Variants in ITPKB observed in about 807,000 individuals in gnomAD.
ITPKB encodes IP3 3-kinase B.
ITPKB carries 13 observed loss-of-function variants against 69.4 expected under a neutral mutation model. The ratio of observed to expected loss-of-function variants is 0.19; its 90% CI spans 0.12 to 0.30. The LOEUF (loss-of-function observed/expected upper bound fraction) is 0.30. ITPKB is among the 10% of genes least tolerant of loss of function. ITPKB has a pLI of 1.00. For missense variants in ITPKB, 1,240 were observed against 1,250.5 expected (o/e 0.99, Z 0.13); for synonymous variants, 584 against 513.7 (o/e 1.14, Z -1.85).
chr1:226,722,052 A>ATG (rs578061986), intron 2 of ITPKB, among the ~76,000 whole-genome samples: 44 of 152,082 alleles, frequency 2.9e-4, no homozygotes, highest in African/African-American at 1.0e-3. Context: ...ACCTCAGGTA[A>ATG]TCCACCCACC....
intron 2 of ITPKB, among the ~76,000 whole-genome samples, chr1:226,686,214 T>C (rs1656213759): frequency 6.6e-6 from 1 of 152,074 alleles, no homozygotes; most frequent in Non-Finnish European, 1.5e-5. Context: ...AGGGGGCAAA[T>C]CACAGAAGCA....
At position 226,641,798 on chromosome 1, in the gene ITPKB, G is replaced by T; in HGVS notation, c.2451+123C>A. On this transcript the variant is annotated intron_variant, in intron 5 of 7. Coordinates refer to ENST00000429204, the MANE Select transcript of ITPKB (RefSeq NM_002221.4). This position sits in a 1 kb window ranked among gnomAD's most constrained non-coding sequence, Gnocchi z 4.6. Reference sequence around the variant, plus strand: ...CTCCAAATGTCTGGCCTTGGGGCGGGCCACCCACATTCTGAGCCTGTGCCT... The same window carrying T: ...CTCCAAATGTCTGGCCTTGGGGCGGTCCACCCACATTCTGAGCCTGTGCCT... 2 of 901,904 alleles carry T rather than the reference G, an allele frequency of 2.2e-6. No homozygotes were observed. Among genetic ancestry groups the T allele is most frequent in the Non-Finnish European group, 3.4e-6 (2 of 588,416 alleles). 55.9% of individuals were successfully genotyped at this position (901,904 alleles called of 1,614,324 possible). A position where few individuals can be genotyped will look rare whatever the true frequency, so the allele number is the denominator to read the frequency against.
At chr1:226,660,888 G>A (rs1264303415) in intron 2 of ITPKB, among the ~76,000 whole-genome samples, 1 of 152,236 alleles carries the variant, frequency 6.6e-6, no homozygotes, top group Non-Finnish European at 1.5e-5. Context: ...CTGCCCAGCT[G>A]GTTAAGGGCC....
chr1:226,644,084 C>A (rs1306962000), intron 4 of ITPKB, among the ~76,000 whole-genome samples: 1 of 152,240 alleles, frequency 6.6e-6, no homozygotes, highest in African/African-American at 2.4e-5. Flanking sequence ...GCTCTCAGCA[C>A]CCCCTTAAAC....
chr1:226,666,866 C>A (rs1232961110), intron 2 of ITPKB, among the ~76,000 whole-genome samples: 1 of 152,186 alleles, frequency 6.6e-6, no homozygotes, highest in East Asian at 1.9e-4. Flanking sequence ...AGACCACAGA[C>A]CACACATGGA....
At chr1:226,648,437 A>T (rs1669106071) in intron 3 of ITPKB, among the ~76,000 whole-genome samples, 1 of 112,354 alleles carries the variant, frequency 8.9e-6, no homozygotes, top group African/African-American at 3.6e-5. Flanking sequence ...AGACCGAGGG[A>T]GGGGAGGATG....
chr1:226,664,447 C>T (rs1669459308), intron 2 of ITPKB, among the ~76,000 whole-genome samples: 1 of 148,262 alleles, frequency 6.7e-6, no homozygotes, highest in African/African-American at 2.4e-5. Flanking sequence ...GTGTGCCGGG[C>T]AGTACACGTA....
At chr1:226,695,600 C>T (rs1656460146) in intron 2 of ITPKB, among the ~76,000 whole-genome samples, 1 of 152,208 alleles carries the variant, frequency 6.6e-6, no homozygotes, top group South Asian at 2.1e-4. Flanking sequence ...TTGAACCCCG[C>T]CATCCTCTCT....
rs3754416 is a variant in ITPKB at position 226,736,959 on chromosome 1, G to A, written c.500C>T (p.Pro167Leu). 2.5e-4 allele frequency: 408 copies of A among 1,612,062 alleles called. 6 individuals are homozygous for A. In the East Asian group the frequency reaches 9.0e-3, roughly 36 times the overall value. Reference sequence around the variant, plus strand: ...GGGCGAGCGAGCCCTGCCCAAACGCGGGCTGCGGGGCGCTTGAATGGCGGA... The same window carrying A: ...GGGCGAGCGAGCCCTGCCCAAACGCAGGCTGCGGGGCGCTTGAATGGCGGA... ...QSSAIQAPRS[P>L]RLGRARSPSP... The change falls in exon 2 of 8, where the codon CCG becomes CTG. Residue 167 changes from proline to leucine, a missense_variant. Pro to Leu is a moderately conservative substitution (Grantham distance 98). Transcript: ENST00000429204.
chr1:226,687,827 A>C (rs966902423), intron 2 of ITPKB, among the ~76,000 whole-genome samples: 3 of 152,092 alleles, frequency 2.0e-5, no homozygotes, highest in African/African-American at 4.8e-5. Context: ...TCTACTCAAG[A>C]CCATAGGGAT....
At chr1:226,643,358 C>A (rs1669001345) in intron 4 of ITPKB, among the ~76,000 whole-genome samples, 1 of 152,244 alleles carries the variant, frequency 6.6e-6, no homozygotes, top group Non-Finnish European at 1.5e-5. Context: ...AGTCTCCCTA[C>A]ACAACAGGCT....
At chr1:226,726,333 A>T (rs1290660714) in intron 2 of ITPKB, among the ~76,000 whole-genome samples, 2 of 152,202 alleles carry the variant, frequency 1.3e-5, no homozygotes, top group Admixed American at 1.3e-4. Flanking sequence ...TAATGCTGTG[A>T]TGACTATGAT....
At chr1:226,697,583 A>C (rs1372344456) in intron 2 of ITPKB, among the ~76,000 whole-genome samples, 1 of 152,210 alleles carries the variant, frequency 6.6e-6, no homozygotes, top group Admixed American at 6.5e-5. Flanking sequence ...CTTCTGAGGA[A>C]TAAGCTGAAA....
At chr1:226,681,470 G>A (rs530267376) in intron 2 of ITPKB, among the ~76,000 whole-genome samples, 2 of 152,130 alleles carry the variant, frequency 1.3e-5, no homozygotes, top group African/African-American at 4.8e-5. Context: ...CCCTGGCAAG[G>A]GCACAGAGTT....
At chr1:226,670,732 T>G (rs1396738968) in intron 2 of ITPKB, among the ~76,000 whole-genome samples, 1 of 152,252 alleles carries the variant, frequency 6.6e-6, no homozygotes, top group Non-Finnish European at 1.5e-5. Context: ...ATTTAACCCT[T>G]TGCTCTCATT....
Position 226,735,680 on chromosome 1 carries a change from C to A in ITPKB, c.1779G>T (p.Leu593=), listed in dbSNP as rs1172713916. 2 of 1,606,458 alleles carry A rather than the reference C, an allele frequency of 1.2e-6. No individual in the cohort carries two copies. The highest frequency in any genetic ancestry group is 8.5e-7 in the Non-Finnish European group (1 of 1,176,058). The change falls in exon 2 of 8, where the codon CTG becomes CTT. Residue 593 remains leucine, a synonymous_variant. Transcript: ENST00000429204. ...AGGAAGAGGACAGTTTCCTCAGGGG[C>A]AGGTTGCCCCGAGGGCTTCCCTGCG... is the stretch of plus-strand genomic sequence containing the variant. ...EETQGSPRGN[L]PLRKLSSSSA... is the part of the protein sequence containing the mutation.
rs1668975623 is a variant in ITPKB, at chr1:226,642,147, A to G, written c.2247-22T>C. On this transcript the variant is annotated intron_variant, in intron 4 of 7. Coordinates refer to ENST00000429204, the MANE Select transcript of ITPKB (RefSeq NM_002221.4). This position sits in a 1 kb window ranked among gnomAD's most constrained non-coding sequence, Gnocchi z 6.4. Reference sequence around the variant, plus strand: ...GGTCCTACGTGGGAGGGAAGGCGACATGAGGGCCGAGGCCTGGGGCAGGGC... The same window carrying G: ...GGTCCTACGTGGGAGGGAAGGCGACGTGAGGGCCGAGGCCTGGGGCAGGGC... The G allele has an allele frequency of 6.2e-7, 1 of 1,600,574 alleles. No individual in the cohort carries two copies. Among genetic ancestry groups the G allele is most frequent in the African/African-American group, 1.3e-5 (1 of 74,646 alleles).
chr1:226,648,546 G>T, intron 3 of ITPKB, 126 bp downstream of exon 3: 1 of 705,096 alleles, frequency 1.4e-6, no homozygotes, highest in East Asian at 2.5e-5. Context: ...GTGTGGCTGT[G>T]ATTTCAGACT....
At chr1:226,667,100 C>T (rs1387171943) in intron 2 of ITPKB, among the ~76,000 whole-genome samples, 11 of 152,106 alleles carry the variant, frequency 7.2e-5, no homozygotes, top group Non-Finnish European at 1.5e-5. Flanking sequence ...ACTTTTTGCC[C>T]AATGCACTCA....
Sources: gnomAD v4.1 joint callset for allele counts (sites outside exome capture counted in the v4.1 genomes callset) on GRCh38, gnomAD v4.1.1 for gene constraint, Gnocchi (gnomAD v3.1) non-coding constraint, MANE v1.5 for transcripts, NCBI Gene and HGNC (gene_info 2026-07-23, HGNC 2026-07-21) for gene names.